Variants in TSPAN2 observed in about 807,000 individuals in gnomAD.
The protein encoded by TSPAN2 is tetraspanin-2.
In TSPAN2, 24 loss-of-function variants were observed where a neutral mutation model predicts 33.3. That is an observed-to-expected ratio of 0.72 (90% CI 0.52 to 1.01). The LOEUF (loss-of-function observed/expected upper bound fraction) is 1.01, where lower values mean the gene tolerates loss of function less well. Ranked by LOEUF, TSPAN2 falls within the 50% of genes least tolerant of loss-of-function variation. The pLI, the probability that TSPAN2 is intolerant of heterozygous loss-of-function variation, is 0.00. For synonymous variants in TSPAN2, 114 were observed against 104.5 expected, an observed-to-expected ratio of 1.09 and a Z score of -0.56; for missense variants, 278 against 281.3, an observed-to-expected ratio of 0.99 and a Z score of 0.08.
At chr1:115,055,892 G>T (rs1164039728) in intron 6 of TSPAN2, among the ~76,000 whole-genome samples, 1 of 152,108 alleles carries the variant, frequency 6.6e-6, no homozygotes, top group Non-Finnish European at 1.5e-5. Flanking sequence ...CATATTAAGG[G>T]TCTGTCCAGT....
intron 1 of TSPAN2, among the ~76,000 whole-genome samples, chr1:115,087,719 C>T (rs184703257): frequency 1.6e-3 from 245 of 151,912 alleles, no homozygotes; most frequent in African/African-American, 5.6e-3. Flanking sequence ...GAGCCTGTTT[C>T]CTCATCTGTA....
rs944052036 is a variant in TSPAN2 at position 115,048,280 on chromosome 1, A to G, written c.*2210T>C. The G allele has an allele frequency of 9.5e-6, 1 of 104,956 alleles. No individual in the cohort carries two copies. Among genetic ancestry groups the G allele is most frequent in the African/African-American group, 3.5e-5 (1 of 28,940 alleles). 6.5% of individuals were successfully genotyped at this position (104,956 alleles called of 1,614,324 possible). A position where few individuals can be genotyped will look rare whatever the true frequency, so the allele number is the denominator to read the frequency against. ...CAAGATATATAGGGATTATATATCT[A>G]TATATATTATATGTGTGTCTATACA... On this transcript the variant is annotated 3_prime_UTR_variant, in exon 8 of 8. Transcript: ENST00000369516.
chr1:115,084,234 T>C (rs1254130448), intron 1 of TSPAN2, among the ~76,000 whole-genome samples: 1 of 152,254 alleles, frequency 6.6e-6, no homozygotes, highest in Non-Finnish European at 1.5e-5. Context: ...ACCTTACATA[T>C]ATTAACTCAT....
chr1:115,057,454 C>T (rs1647476253), intron 6 of TSPAN2, 83 bp downstream of exon 6: 3 of 1,311,752 alleles, frequency 2.3e-6, no homozygotes, highest in South Asian at 1.2e-5. Flanking sequence ...AATGCAGATC[C>T]CATCCGAGAT....
rs1186124872 is a variant in TSPAN2 at position 115,050,444 on chromosome 1, A to T, written c.*46T>A. The T allele has an allele frequency of 6.5e-7, 1 of 1,536,164 alleles. No individual in the cohort carries two copies. The highest frequency in any genetic ancestry group is 1.7e-5 in the Admixed American group (1 of 59,796). On this transcript the variant is annotated 3_prime_UTR_variant, in exon 8 of 8. Coordinates refer to ENST00000369516, the MANE Select transcript of TSPAN2 (RefSeq NM_005725.6). ...TGAGCTGGGAGACAGCTCCTGTGACATTTGGTATGAAAGCTTTAGATTGCA... is the reference window on the plus strand; with the variant it reads ...TGAGCTGGGAGACAGCTCCTGTGACTTTTGGTATGAAAGCTTTAGATTGCA...
chr1:115,080,043 C>T (rs953415822), intron 1 of TSPAN2, among the ~76,000 whole-genome samples: 1 of 152,172 alleles, frequency 6.6e-6, no homozygotes, highest in African/African-American at 2.4e-5. Flanking sequence ...CATGGGTCAA[C>T]CAACATTGCT....
intron 2 of TSPAN2, among the ~76,000 whole-genome samples, chr1:115,064,115 C>T (rs2101031438): frequency 6.6e-6 from 1 of 152,288 alleles, no homozygotes; most frequent in East Asian, 1.9e-4. Flanking sequence ...CTTCCATCAT[C>T]TTATTGGCTT....
chr1:115,085,518 C>T (rs1648799278), intron 1 of TSPAN2, among the ~76,000 whole-genome samples: 1 of 152,174 alleles, frequency 6.6e-6, no homozygotes, highest in African/African-American at 2.4e-5. Context: ...GAAGTGCTGT[C>T]ACCCAAGGAA....
intron 2 of TSPAN2, among the ~76,000 whole-genome samples, chr1:115,065,590 T>G (rs1024491553): frequency 1.3e-5 from 2 of 152,202 alleles, no homozygotes; most frequent in African/African-American, 2.4e-5. Context: ...TTTTAAAAAT[T>G]TAAAAAGTAT....
intron 2 of TSPAN2, among the ~76,000 whole-genome samples, chr1:115,070,295 G>T (rs1341425491): frequency 2.0e-5 from 3 of 150,604 alleles, no homozygotes; most frequent in African/African-American, 7.3e-5. Context: ...TTATCTTTCT[G>T]TTTCTTTCTT....
chr1:115,054,802 C>A (rs1293011667), intron 6 of TSPAN2, among the ~76,000 whole-genome samples: 1 of 152,128 alleles, frequency 6.6e-6, no homozygotes, highest in African/African-American at 2.4e-5. Context: ...GCCTGGCCAA[C>A]ATGGTGAAAC....
chr1:115,072,258 G>C (rs1262639131), intron 2 of TSPAN2, among the ~76,000 whole-genome samples: 1 of 152,008 alleles, frequency 6.6e-6, no homozygotes, highest in Admixed American at 6.6e-5. Flanking sequence ...GGTGGGGTCA[G>C]AGCTATTGCC....
chr1:115,061,911 C>T (rs951110963), intron 3 of TSPAN2, among the ~76,000 whole-genome samples: 3 of 152,142 alleles, frequency 2.0e-5, no homozygotes, highest in Non-Finnish European at 4.4e-5. Flanking sequence ...GCCTCAGCCT[C>T]CCAAAGTGCT....
chr1:115,049,419 G>T lies in TSPAN2; in HGVS notation c.*1071C>A, dbSNP rs1570961301. 6.6e-6 allele frequency: 1 copy of T among 152,616 alleles called. No homozygotes were observed. The highest frequency in any genetic ancestry group is 1.5e-5 in the Non-Finnish European group (1 of 67,982). The allele number at this position is 152,616 out of a possible 1,614,324, so 9.5% of individuals were successfully genotyped here. ...GGACTTTGTTTTACTTATGTTAAGT[G>T]GTGAAAACTGTAGTTCTTAATCTAT... On this transcript the variant is annotated 3_prime_UTR_variant, in exon 8 of 8. Coordinates refer to ENST00000369516, the MANE Select transcript of TSPAN2 (RefSeq NM_005725.6).
intron 1 of TSPAN2, among the ~76,000 whole-genome samples, chr1:115,083,663 C>A (rs145764842): frequency 6.6e-6 from 1 of 152,168 alleles, no homozygotes; most frequent in Admixed American, 6.5e-5. Context: ...TCTGTACGCA[C>A]GTTAAAGTTT....
At chr1:115,071,242 T>C (rs747153688) in intron 2 of TSPAN2, among the ~76,000 whole-genome samples, 2 of 152,194 alleles carry the variant, frequency 1.3e-5, no homozygotes, top group East Asian at 3.9e-4. Flanking sequence ...TAGGCATGAA[T>C]ACAGAATGCA....
chr1:115,050,612 G>C, intron 7 of TSPAN2, 57 bp from the exon 8 acceptor site: 1 of 1,445,888 alleles, frequency 6.9e-7, no homozygotes, highest in African/African-American at 1.4e-5. Flanking sequence ...TAGGTAAAAA[G>C]TTCAGCAGAC....
chr1:115,058,733 C>A, intron 5 of TSPAN2, 150 bp downstream of exon 5: 3 of 695,870 alleles, frequency 4.3e-6, no homozygotes, highest in South Asian at 1.6e-5. Context: ...ACACATAATG[C>A]AAACTGTGGC....
intron 1 of TSPAN2, among the ~76,000 whole-genome samples, chr1:115,075,445 G>A (rs768227960): frequency 2.0e-5 from 3 of 152,128 alleles, no homozygotes; most frequent in Non-Finnish European, 4.4e-5. Flanking sequence ...GAGACAGGGC[G>A]ATCACTGCTC....
Sources: gnomAD v4.1 joint callset for allele counts (sites outside exome capture counted in the v4.1 genomes callset) on GRCh38, gnomAD v4.1.1 for gene constraint, MANE v1.5 for transcripts, NCBI Gene and HGNC (gene_info 2026-07-23, HGNC 2026-07-21) for gene names.